Variants in GRID2 observed in about 807,000 individuals in gnomAD.
GRID2 encodes the protein glutamate ionotropic receptor delta type subunit 2.
A neutral mutation model predicts 114.8 loss-of-function variants in GRID2; 33 were observed. The ratio of observed to expected loss-of-function variants is 0.29; its 90% CI spans 0.22 to 0.38. The LOEUF is 0.38. GRID2 is among the 10% of genes least tolerant of loss of function. GRID2 has a pLI of 1.00. For missense variants in GRID2, 1,184 were observed against 1,257.7 expected, an observed-to-expected ratio of 0.94 and a Z score of 0.89; for synonymous variants, 505 against 449.9, an observed-to-expected ratio of 1.12 and a Z score of -1.55.
At chr4:92,372,567 A>G (rs1729168216) in intron 1 of GRID2, among the ~76,000 whole-genome samples, 1 of 152,162 alleles carries the variant, frequency 6.6e-6, no homozygotes, top group African/African-American at 2.4e-5. Flanking sequence ...ATGCAATAGA[A>G]TATAGTTTAG....
At chr4:92,694,914 T>C (rs1277853119) in intron 2 of GRID2, among the ~76,000 whole-genome samples, 1 of 152,204 alleles carries the variant, frequency 6.6e-6, no homozygotes, top group African/African-American at 2.4e-5. Context: ...TAATGCTTAA[T>C]ATAGCTGACT....
Position 93,148,372 on chromosome 4 carries a change from C to T in GRID2, c.735+37419C>T, listed in dbSNP as rs114653341. Among the ~76,000 whole-genome samples the T allele has an allele frequency of 4.4e-3, 670 of 152,048 alleles. 6 individuals are homozygous for T. Among genetic ancestry groups the T allele is most frequent in the African/African-American group, 0.015 (642 of 41,500 alleles). On this transcript the variant is annotated intron_variant, in intron 4 of 15. Transcript: ENST00000282020. ...ATATTAGTATCATTATTTAGAGTGG[C>T]AGAACATAGCCCATACATAGAAGAC...
chr4:92,487,135 A>G (rs564585050), intron 1 of GRID2, among the ~76,000 whole-genome samples: 4 of 151,610 alleles, frequency 2.6e-5, no homozygotes, highest in Non-Finnish European at 5.9e-5. Context: ...ATTTTAATTC[A>G]TTTTCCTATT....
intron 14 of GRID2, among the ~76,000 whole-genome samples, chr4:93,699,629 A>G (rs1371046826): frequency 6.6e-6 from 1 of 152,136 alleles, no homozygotes; most frequent in African/African-American, 2.4e-5. Flanking sequence ...TTCTAAGCCA[A>G]AAGCCCTTTA....
intron 2 of GRID2, among the ~76,000 whole-genome samples, chr4:92,750,493 A>C (rs369561343): frequency 1.3e-5 from 2 of 150,138 alleles, no homozygotes; most frequent in African/African-American, 4.9e-5. Flanking sequence ...CATAGACCAA[A>C]GAAAGAATTT....
At chr4:92,800,745 T>A (rs950087776) in intron 2 of GRID2, among the ~76,000 whole-genome samples, 1 of 151,972 alleles carries the variant, frequency 6.6e-6, no homozygotes, top group African/African-American at 2.4e-5. Context: ...CTGATTCTGG[T>A]ATTTTAGGCT....
At chr4:92,912,754 A>C (rs1254261021) in intron 2 of GRID2, among the ~76,000 whole-genome samples, 2 of 151,912 alleles carry the variant, frequency 1.3e-5, no homozygotes, top group Non-Finnish European at 2.9e-5. Flanking sequence ...CTCTTTAAGA[A>C]TTGTGAATAT....
intron 2 of GRID2, among the ~76,000 whole-genome samples, chr4:92,908,007 G>A (rs1289612061): frequency 6.6e-6 from 1 of 151,990 alleles, no homozygotes; most frequent in African/African-American, 2.4e-5. Flanking sequence ...TGGGCAACAA[G>A]AGGGAAACTC....
At chr4:93,424,765 C>G (rs1768674896) in intron 10 of GRID2, among the ~76,000 whole-genome samples, 1 of 152,034 alleles carries the variant, frequency 6.6e-6, no homozygotes, top group East Asian at 1.9e-4. Context: ...TACCTTCTTT[C>G]CTTTCTCTTC....
intron 1 of GRID2, among the ~76,000 whole-genome samples, chr4:92,372,609 C>T (rs1729170038): frequency 6.6e-6 from 1 of 152,072 alleles, no homozygotes; most frequent in South Asian, 2.1e-4. Flanking sequence ...TACTGGAAAA[C>T]CTAAAACTTT....
chr4:92,884,196 G>T (rs542665169), intron 2 of GRID2, among the ~76,000 whole-genome samples: 13 of 152,152 alleles, frequency 8.5e-5, no homozygotes, highest in Non-Finnish European at 1.6e-4. Flanking sequence ...TAAAACCCAT[G>T]AAACCATTTT....
intron 9 of GRID2, among the ~76,000 whole-genome samples, chr4:93,406,267 G>T (rs1198592035): frequency 6.6e-6 from 1 of 152,110 alleles, no homozygotes; most frequent in Non-Finnish European, 1.5e-5. Flanking sequence ...TAAAAGGTTG[G>T]AAACAACTAA....
chr4:93,456,104 C>A, intron 11 of GRID2, 130 bp downstream of exon 11: 1 of 621,894 alleles, frequency 1.6e-6, no homozygotes, highest in Non-Finnish European at 2.8e-6. Flanking sequence ...CAGAAATGCT[C>A]AGAAAAGAAC....
rs79370247 is a variant in GRID2 at position 93,362,713 on chromosome 4, T to C, written c.1246-32894T>C. ...CTGCACCACTGAGAGAAGTTTTCTC[T>C]GATCTTTCATTCTGCCTCCAGTCTT... On this transcript the variant is annotated intron_variant, in intron 8 of 15. Coordinates refer to ENST00000282020, the MANE Select transcript of GRID2 (RefSeq NM_001510.4). 7.6e-3 allele frequency among the ~76,000 whole-genome samples: 1,152 copies of C among 152,232 alleles called. 12 individuals are homozygous for C. Among genetic ancestry groups the C allele is most frequent in the African/African-American group, 0.026 (1,084 of 41,556 alleles).
intron 8 of GRID2, chr4:93,318,635 A>G (rs1180227611): frequency 6.6e-6 from 1 of 152,118 alleles, no homozygotes; most frequent in Non-Finnish European, 1.5e-5. Context: ...TTTTTAAAAA[A>G]AACAGCTTTA....
intron 2 of GRID2, among the ~76,000 whole-genome samples, chr4:92,701,470 G>A (rs17019800): frequency 0.064 from 9,715 of 152,100 alleles, 401 homozygotes; most frequent in East Asian, 0.087. Flanking sequence ...GTTTGTATTG[G>A]CAATGGTTAG....
At chr4:93,155,998 G>A (rs10030263) in intron 4 of GRID2, among the ~76,000 whole-genome samples, 51,451 of 151,334 alleles carry the variant, frequency 0.34, 9,528 homozygotes, top group Admixed American at 0.52. Context: ...ACGAAGAAAC[G>A]ATAAATGCTC....
intron 2 of GRID2, among the ~76,000 whole-genome samples, chr4:93,024,090 G>A (rs1382757612): frequency 6.6e-6 from 1 of 151,720 alleles, no homozygotes; most frequent in African/African-American, 2.4e-5. Flanking sequence ...AAAATAAAAA[G>A]CCAGATACGG....
At chr4:92,380,247 C>G (rs1729555021) in intron 1 of GRID2, among the ~76,000 whole-genome samples, 1 of 151,166 alleles carries the variant, frequency 6.6e-6, no homozygotes, top group South Asian at 2.1e-4. Flanking sequence ...AAGATTATAT[C>G]TTTTAGGAGA....
Sources: gnomAD v4.1 joint callset for allele counts (sites outside exome capture counted in the v4.1 genomes callset) on GRCh38, gnomAD v4.1.1 for gene constraint, MANE v1.5 for transcripts, NCBI Gene and HGNC (gene_info 2026-07-23, HGNC 2026-07-21) for gene names.